Variants in CEP89 observed in about 807,000 individuals in gnomAD.
The protein encoded by CEP89 is centrosomal protein 89.
CEP89 carries 95 observed loss-of-function variants against 97.6 expected under a neutral mutation model. That is an observed-to-expected ratio of 0.97 (90% CI 0.82 to 1.15). The LOEUF (loss-of-function observed/expected upper bound fraction) is 1.15, where lower values mean the gene tolerates loss of function less well. Among genes scored for constraint, CEP89 ranks in the 50% most tolerant of loss-of-function variants. The pLI is 0.00. For synonymous variants in CEP89, 354 were observed against 349.1 expected, an observed-to-expected ratio of 1.01 and a Z score of -0.16; for missense variants, 869 against 947.7, an observed-to-expected ratio of 0.92 and a Z score of 1.09.
intron 8 of CEP89, among the ~76,000 whole-genome samples, chr19:32,932,775 TA>T (rs1164547575): frequency 7.1e-6 from 1 of 140,084 alleles, no homozygotes; most frequent in African/African-American, 2.7e-5. Context: ...CTCACTGCTA[TA>T]AAAAAAATTA....
At chr19:32,965,791 G>A (rs1022244014) in intron 2 of CEP89, among the ~76,000 whole-genome samples, 7 of 151,916 alleles carry the variant, frequency 4.6e-5, no homozygotes, top group African/African-American at 1.5e-4. Flanking sequence ...CAAGGCAGGC[G>A]GATTAAGAAA....
intron 16 of CEP89, among the ~76,000 whole-genome samples, chr19:32,894,133 C>T (rs1969590585): frequency 6.6e-6 from 1 of 152,132 alleles, no homozygotes; most frequent in Non-Finnish European, 1.5e-5. Flanking sequence ...TCAAGGTTAG[C>T]CTGGGCAACA....
At chr19:32,918,784 T>C (rs1457352121) in intron 12 of CEP89, among the ~76,000 whole-genome samples, 1 of 151,832 alleles carries the variant, frequency 6.6e-6, no homozygotes, top group African/African-American at 2.4e-5. Context: ...TTGTAATCAG[T>C]AGCATATTTG....
intron 3 of CEP89, among the ~76,000 whole-genome samples, chr19:32,957,102 G>A (rs1971065218): frequency 6.6e-6 from 1 of 152,130 alleles, no homozygotes; most frequent in Non-Finnish European, 1.5e-5. Flanking sequence ...GCATTCCTGG[G>A]CACCTCTGTA....
At position 32,928,664 on chromosome 19, in the gene CEP89, C is replaced by T. The variant is rs143682901; in HGVS notation, c.1030-1680G>A. Among the ~76,000 whole-genome samples the T allele has an allele frequency of 4.5e-3, 687 of 152,286 alleles. 5 individuals are homozygous for T. The highest frequency in any genetic ancestry group is 0.016 in the African/African-American group (666 of 41,568). ...CTGCCCAGTATCTTGCAGTCTCATCCTACACATGTGCAGGGTGGTATTCCA... is the reference window on the plus strand; with the variant it reads ...CTGCCCAGTATCTTGCAGTCTCATCTTACACATGTGCAGGGTGGTATTCCA... On this transcript the variant is annotated intron_variant, in intron 9 of 18. Coordinates refer to ENST00000305768, the MANE Select transcript of CEP89 (RefSeq NM_032816.5).
At chr19:32,882,271 A>C (rs1424856465) in intron 17 of CEP89, among the ~76,000 whole-genome samples, 1 of 152,212 alleles carries the variant, frequency 6.6e-6, no homozygotes, top group Non-Finnish European at 1.5e-5. Context: ...ATGAAAACAT[A>C]AAATATCACC....
At position 32,933,493 on chromosome 19, in the gene CEP89, T is replaced by A. The variant is rs142764139; in HGVS notation, c.844A>T (p.Lys282Ter). 1.4e-3 allele frequency: 2,292 copies of A among 1,614,038 alleles called. 2 individuals carry two copies. The highest frequency in any genetic ancestry group is 1.9e-3 in the Non-Finnish European group (2,211 of 1,180,022). ...TTCTCAGCCTCTTTGAGCTTTCTCT[T>A]CTCTTTTTCCATTCCCTTAAGTTTT... Reference protein sequence around the residue: ...QLKLKGMEKEKRKLKEAEKAS... With the variant: ...QLKLKGMEKE The change falls in exon 8 of 19, where the codon AAG becomes TAG. Residue 282 changes from lysine (K) to a stop codon, truncating the protein, a stop_gained. Coordinates refer to ENST00000305768, the MANE Select transcript of CEP89 (RefSeq NM_032816.5). LOFTEE classifies it high-confidence loss of function.
intron 5 of CEP89, among the ~76,000 whole-genome samples, chr19:32,948,020 T>C (rs1970832009): frequency 6.6e-6 from 1 of 152,172 alleles, no homozygotes; most frequent in Non-Finnish European, 1.5e-5. Flanking sequence ...TTGCCCAGGC[T>C]GCTTTCAAAT....
chr19:32,946,929 A>G (rs921652699), intron 5 of CEP89, among the ~76,000 whole-genome samples: 1 of 131,382 alleles, frequency 7.6e-6, no homozygotes, highest in Admixed American at 8.8e-5. Flanking sequence ...TTATATATTT[A>G]TGTATTTTTT....
At chr19:32,962,498 C>T (rs973382014) in intron 2 of CEP89, among the ~76,000 whole-genome samples, 2 of 152,018 alleles carry the variant, frequency 1.3e-5, no homozygotes, top group African/African-American at 4.8e-5. Flanking sequence ...ACTGTAAAGC[C>T]GAAAACCATA....
intron 2 of CEP89, 35 bp downstream of exon 2, chr19:32,966,325 G>A: frequency 7.9e-7 from 1 of 1,269,500 alleles, no homozygotes. Flanking sequence ...GCTGAGCACA[G>A]GGGTGACCTC....
intron 17 of CEP89, among the ~76,000 whole-genome samples, chr19:32,886,427 G>C (rs1322625461): frequency 6.6e-6 from 1 of 152,122 alleles, no homozygotes; most frequent in African/African-American, 2.4e-5. Context: ...TGGTTTGGAG[G>C]GGCTTCTGCC....
At position 32,923,448 on chromosome 19, in the gene CEP89, CT is replaced by C. The variant is rs1377782727; in HGVS notation, c.1258del (p.Ser420ValfsTer15). 1 of 1,574,230 alleles carries C rather than the reference CT, an allele frequency of 6.4e-7. No homozygotes were observed. ...ACACAATGCCACTTGCCATTCCTCA[CT>C]GGTAACAGCACTACTCTTATTTAAC... is the stretch of plus-strand genomic sequence containing the variant. ...QELNKSSAVTSEEWRQLQTQA... is the reference protein window; with the variant it reads ...QELNKSSAVTXEEWRQLQTQA... On this transcript the variant is annotated frameshift_variant, in exon 12 of 19. Transcript: ENST00000305768. LOFTEE classifies it high-confidence loss of function.
chr19:32,908,333 TG>T (rs1447851826), intron 14 of CEP89, among the ~76,000 whole-genome samples: 1 of 152,214 alleles, frequency 6.6e-6, no homozygotes, highest in Non-Finnish European at 1.5e-5. Context: ...TGGCTCAGAA[TG>T]AACTGGCTGG....
At chr19:32,888,225 A>G (rs1969440434) in intron 16 of CEP89, among the ~76,000 whole-genome samples, 1 of 152,252 alleles carries the variant, frequency 6.6e-6, no homozygotes, top group Admixed American at 6.5e-5. Flanking sequence ...ACAATTTCAA[A>G]ATTAAGGATA....
Position 32,923,518 on chromosome 19 carries a change from G to T in CEP89, c.1189C>A (p.Arg397=), listed in dbSNP as rs374612024. 1 of 1,600,606 alleles carries T rather than the reference G, an allele frequency of 6.2e-7. No individual in the cohort carries two copies. The highest frequency in any genetic ancestry group is 1.1e-5 in the South Asian group (1 of 90,528). ...LKEEMRMFRM[R]VQEVVKENEE... Reference sequence around the variant, plus strand: ...TTTTCTTTCACCACTTCTTGGACTCGCATCCTAAACATTCTCATTTCCTCC... The same window carrying T: ...TTTTCTTTCACCACTTCTTGGACTCTCATCCTAAACATTCTCATTTCCTCC... The change falls in exon 12 of 19, where the codon CGA becomes AGA. Residue 397 remains arginine (R), a synonymous_variant. Transcript: ENST00000305768.
intron 8 of CEP89, among the ~76,000 whole-genome samples, chr19:32,931,975 A>T (rs1259280106): frequency 6.6e-6 from 1 of 152,228 alleles, no homozygotes; most frequent in African/African-American, 2.4e-5. Flanking sequence ...AGGTGAGGAG[A>T]TCGAGACCAT....
intron 17 of CEP89, among the ~76,000 whole-genome samples, chr19:32,883,718 T>C (rs987561728): frequency 1.3e-5 from 2 of 152,166 alleles, no homozygotes; most frequent in South Asian, 2.1e-4. Context: ...ATTTCTACTT[T>C]AGGGATTTAT....
rs1405701798 is a variant in CEP89, at chr19:32,933,590, G to A, written c.747C>T (p.Asp249=). ...KFEALKEENM[D]LNNMNQSLTL... ...TAAGGCTTTGATTCATATTGTTTAG[G>A]TCCATATTTTCTTCTTTTAATGCCT... Residue 249 remains aspartate (D), a synonymous_variant, in exon 8 of 19, where the codon GAC becomes GAT. Coordinates refer to ENST00000305768, the MANE Select transcript of CEP89 (RefSeq NM_032816.5). 2 of 1,612,802 alleles carry A rather than the reference G, an allele frequency of 1.2e-6. No individual in the cohort carries two copies. Among genetic ancestry groups the A allele is most frequent in the East Asian group, 2.2e-5 (1 of 44,852 alleles).
Sources: allele counts gnomAD v4.1 joint callset (sites outside exome capture counted in the v4.1 genomes callset), GRCh38; gene constraint gnomAD v4.1.1; transcripts MANE v1.5; gene names NCBI Gene and HGNC (gene_info 2026-07-23, HGNC 2026-07-21).